GPC5: variants seen among roughly 807,000 people sequenced by gnomAD.
GPC5 encodes glypican-5.
Under a neutral mutation model 53.9 loss-of-function variants are expected in GPC5, and 47 were observed. The observed-to-expected ratio is 0.87, with a 90% CI of 0.69 to 1.11. The LOEUF (loss-of-function observed/expected upper bound fraction) is 1.11, where lower values mean the gene tolerates loss of function less well. Among genes scored for constraint, GPC5 ranks in the 50% most tolerant of loss-of-function variants. GPC5 has a pLI of 0.00. For missense variants in GPC5, 748 were observed against 713.1 expected (o/e 1.05, Z -0.56); for synonymous variants, 286 against 263.3 (o/e 1.09, Z -0.84).
intron 7 of GPC5, among the ~76,000 whole-genome samples, chr13:92,771,605 A>T (rs1196144901): frequency 6.6e-6 from 1 of 152,064 alleles, no homozygotes; most frequent in Non-Finnish European, 1.5e-5. Flanking sequence ...GGCCTCCCAA[A>T]GTGCTGGGAT....
At chr13:92,135,045 TC>T (rs903039496) in intron 6 of GPC5, among the ~76,000 whole-genome samples, 5 of 152,100 alleles carry the variant, frequency 3.3e-5, no homozygotes, top group Non-Finnish European at 5.9e-5. Context: ...CATTTCCTTT[TC>T]CCCCCTCTCT....
chr13:92,012,530 T>TGA (rs139089784), intron 6 of GPC5, among the ~76,000 whole-genome samples: 5,706 of 152,290 alleles, frequency 0.037, 147 homozygotes, highest in Middle Eastern at 0.061. Context: ...ACTGATGGTT[T>TGA]GAGAAAGTTA....
intron 7 of GPC5, among the ~76,000 whole-genome samples, chr13:92,470,460 CT>C (rs1878865039): frequency 1.3e-5 from 2 of 151,960 alleles, no homozygotes; most frequent in African/African-American, 4.8e-5. Flanking sequence ...ATTATATTTT[CT>C]ATGTATTTTC....
intron 7 of GPC5, among the ~76,000 whole-genome samples, chr13:92,846,611 T>C (rs1297068492): frequency 6.6e-6 from 1 of 152,160 alleles, no homozygotes; most frequent in African/African-American, 2.4e-5. Flanking sequence ...GCTTTAGTAT[T>C]CCATAAACAA....
intron 7 of GPC5, among the ~76,000 whole-genome samples, chr13:92,744,219 G>A (rs556427455): frequency 7.0e-6 from 1 of 143,734 alleles, no homozygotes; most frequent in East Asian, 2.3e-4. Flanking sequence ...ATAGCATTTA[G>A]CCTTCTGGTT....
At chr13:92,158,525 C>T (rs377094814) in intron 7 of GPC5, among the ~76,000 whole-genome samples, 9 of 151,226 alleles carry the variant, frequency 6.0e-5, no homozygotes, top group African/African-American at 1.9e-4. Flanking sequence ...TTTCTTCTGA[C>T]AACACTATGA....
At chr13:92,508,994 A>C (rs1880471469) in intron 7 of GPC5, among the ~76,000 whole-genome samples, 1 of 152,216 alleles carries the variant, frequency 6.6e-6, no homozygotes, top group Non-Finnish European at 1.5e-5. Context: ...AGTGAACAAG[A>C]TAGAGAAAAA....
At chr13:92,192,200 C>G (rs1271890623) in intron 7 of GPC5, among the ~76,000 whole-genome samples, 1 of 152,122 alleles carries the variant, frequency 6.6e-6, no homozygotes, top group Admixed American at 6.5e-5. Flanking sequence ...AGAGAACGTA[C>G]AATACCAAGA....
chr13:91,435,823 G>C (rs983608008), intron 1 of GPC5, among the ~76,000 whole-genome samples: 10 of 152,062 alleles, frequency 6.6e-5, no homozygotes, highest in Admixed American at 6.5e-4. Flanking sequence ...GTCCTGGACT[G>C]TTTTTGGTTG....
At chr13:91,552,500 T>A (rs1208705254) in intron 2 of GPC5, among the ~76,000 whole-genome samples, 2 of 152,094 alleles carry the variant, frequency 1.3e-5, no homozygotes, top group East Asian at 3.9e-4. Context: ...GAACAGAGAT[T>A]TATCCATATA....
chr13:92,592,791 A>G (rs1883754926), intron 7 of GPC5, among the ~76,000 whole-genome samples: 1 of 151,256 alleles, frequency 6.6e-6, no homozygotes, highest in African/African-American at 2.4e-5. Flanking sequence ...AGTATGGCTC[A>G]ATGGAGGGAG....
At chr13:92,250,554 T>C (rs1468169510) in intron 7 of GPC5, among the ~76,000 whole-genome samples, 1 of 152,020 alleles carries the variant, frequency 6.6e-6, no homozygotes, top group East Asian at 1.9e-4. Context: ...AAAGAGTAAG[T>C]CCTCAAAGTT....
intron 7 of GPC5, among the ~76,000 whole-genome samples, chr13:92,206,159 T>TA (rs1566484655): frequency 5.3e-5 from 3 of 56,762 alleles, no homozygotes; most frequent in South Asian, 5.3e-4. Context: ...TTTTTTATTT[T>TA]TTTTTTTATT....
intron 6 of GPC5, among the ~76,000 whole-genome samples, chr13:91,935,736 C>T (rs1454759671): frequency 6.6e-6 from 1 of 151,846 alleles, no homozygotes; most frequent in African/African-American, 2.4e-5. Context: ...CATTCGTTTA[C>T]CTTTAGATGT....
intron 5 of GPC5, among the ~76,000 whole-genome samples, chr13:91,764,789 G>A (rs989396458): frequency 1.8e-4 from 27 of 152,226 alleles, no homozygotes; most frequent in South Asian, 4.1e-4. Context: ...GGCAGGTTTC[G>A]AGCTGGGGAG....
At chr13:92,152,606 G>A (rs1010925349) in intron 7 of GPC5, among the ~76,000 whole-genome samples, 3 of 152,072 alleles carry the variant, frequency 2.0e-5, no homozygotes, top group Non-Finnish European at 2.9e-5. Flanking sequence ...GGGTGTCGTG[G>A]CGGGCGCCTG....
chr13:91,574,077 G>A (rs1468313811), intron 2 of GPC5, among the ~76,000 whole-genome samples: 1 of 152,026 alleles, frequency 6.6e-6, no homozygotes, highest in Non-Finnish European at 1.5e-5. Flanking sequence ...TTTTTTTGTG[G>A]TAAAATTGCT....
At chr13:92,319,403 C>T in intron 7 of GPC5, among the ~76,000 whole-genome samples, 1 of 124,348 alleles carries the variant, frequency 8.0e-6, no homozygotes, top group Non-Finnish European at 1.6e-5. Context: ...TAATGCATCT[C>T]TGAAACTAAA....
chr13:91,686,049 A>G (rs564927577), intron 2 of GPC5, among the ~76,000 whole-genome samples: 60 of 152,034 alleles, frequency 3.9e-4, no homozygotes, highest in Non-Finnish European at 6.5e-4. Flanking sequence ...GCTCCTTTGT[A>G]GTTCTAGATT....
Sources: gnomAD v4.1 joint callset for allele counts (sites outside exome capture counted in the v4.1 genomes callset) on GRCh38, gnomAD v4.1.1 for gene constraint, MANE v1.5 for transcripts, NCBI Gene and HGNC (gene_info 2026-07-23, HGNC 2026-07-21) for gene names.